Variants in BLM observed in about 807,000 individuals in gnomAD.
BLM encodes the protein recQ-like DNA helicase BLM.
Under a neutral mutation model 135.3 loss-of-function variants are expected in BLM, and 95 were observed. The ratio of observed to expected loss-of-function variants is 0.70; its 90% CI spans 0.59 to 0.83. BLM has a LOEUF of 0.83. BLM is among the 40% of genes least tolerant of loss of function. The pLI is 0.00. For missense variants in BLM, 1,518 were observed against 1,663.9 expected (o/e 0.91, Z 1.53); for synonymous variants, 520 against 589.2 (o/e 0.88, Z 1.70).
At chr15:90,751,077 C>T (rs1306388686) in intron 3 of BLM, among the ~76,000 whole-genome samples, 2 of 152,172 alleles carry the variant, frequency 1.3e-5, no homozygotes, top group Non-Finnish European at 2.9e-5. Flanking sequence ...TTATAAATTA[C>T]ATTCAAAGTT....
chr15:90,800,231 A>G (rs1897132005), intron 17 of BLM, among the ~76,000 whole-genome samples: 1 of 152,238 alleles, frequency 6.6e-6, no homozygotes, highest in South Asian at 2.1e-4. Flanking sequence ...CCAGACTGAC[A>G]TCAGCTTAAT....
intron 12 of BLM, among the ~76,000 whole-genome samples, chr15:90,774,066 CTTTTTTTTTTTTTTT>C (rs61323062): frequency 1.3e-5 from 1 of 76,866 alleles, no homozygotes; most frequent in East Asian, 3.9e-4. Context: ...GTGCCTCCGT[CTTTTTTTTTTTTTTT>C]TTTTTTTTTT....
chr15:90,760,067 A>G (rs1462301941), intron 5 of BLM, 80 bp from the exon 6 acceptor site: 15 of 1,396,428 alleles, frequency 1.1e-5, no homozygotes, highest in Non-Finnish European at 1.4e-5. Context: ...CTGGGATTAC[A>G]GTCATGAGCC....
At chr15:90,758,405 T>G (rs1255891445) in intron 5 of BLM, among the ~76,000 whole-genome samples, 1 of 152,166 alleles carries the variant, frequency 6.6e-6, no homozygotes, top group Non-Finnish European at 1.5e-5. Context: ...GAGAATCACT[T>G]GAACCGGGGA....
intron 1 of BLM, 65 bp from the exon 2 acceptor site, chr15:90,747,324 C>CA: frequency 8.0e-7 from 1 of 1,247,738 alleles, no homozygotes; most frequent in Non-Finnish European, 1.1e-6. Flanking sequence ...TTCCTCCCCT[C>CA]AAAAAACATT....
chr15:90,744,979 AG>A (rs1247496079), intron 1 of BLM, among the ~76,000 whole-genome samples: 3 of 151,940 alleles, frequency 2.0e-5, no homozygotes, highest in Admixed American at 6.6e-5. Context: ...TGAGCTGGGG[AG>A]GCGGAGGCTG....
chr15:90,810,702 A>G (rs1897393586), intron 20 of BLM, among the ~76,000 whole-genome samples: 1 of 152,228 alleles, frequency 6.6e-6, no homozygotes, highest in Admixed American at 6.5e-5. Context: ...TTTGTCTGTA[A>G]AGAGTAAAAT....
intron 3 of BLM, among the ~76,000 whole-genome samples, chr15:90,751,099 G>A (rs765816707): frequency 1.3e-5 from 2 of 152,190 alleles, no homozygotes; most frequent in Non-Finnish European, 2.9e-5. Context: ...TTCCTGGCTA[G>A]ATCTTGTAAT....
chr15:90,749,235 G>A (rs569203319), intron 2 of BLM, 132 bp from the exon 3 acceptor site: 2 of 662,066 alleles, frequency 3.0e-6, no homozygotes, highest in East Asian at 5.6e-5. Context: ...AAAATCGAGA[G>A]AGATGGATTC....
At chr15:90,783,786 G>A (rs1000986194) in intron 13 of BLM, among the ~76,000 whole-genome samples, 1 of 152,172 alleles carries the variant, frequency 6.6e-6, no homozygotes, top group Non-Finnish European at 1.5e-5. Flanking sequence ...AGCTATTCTG[G>A]AGGCTGAGGC....
chr15:90,756,101 A>G (rs1405530465), intron 5 of BLM, among the ~76,000 whole-genome samples: 1 of 150,442 alleles, frequency 6.6e-6, no homozygotes, highest in African/African-American at 2.4e-5. Flanking sequence ...ACTTTAAGGT[A>G]GTTTCCTTTT....
At chr15:90,761,541 CAA>C (rs888162208) in intron 7 of BLM, among the ~76,000 whole-genome samples, 2 of 152,112 alleles carry the variant, frequency 1.3e-5, no homozygotes, top group African/African-American at 4.8e-5. Context: ...GTTCCTAAAA[CAA>C]ACTCATGAGG....
chr15:90,811,737 A>C (rs975145295), intron 21 of BLM, among the ~76,000 whole-genome samples: 3 of 152,122 alleles, frequency 2.0e-5, no homozygotes, highest in Non-Finnish European at 2.9e-5. Context: ...GGCTCACTGC[A>C]ACCTCTGCCT....
rs193268621 is a variant in BLM at position 90,721,942 on chromosome 15, A to T, written c.-5+4502A>T. On this transcript the variant is annotated intron_variant, in intron 1 of 21. Transcript: ENST00000355112. ...AAGACTGCATCTCAAAAAAAAAAAA[A>T]TTTTCTTTATTATGACAACCAAGAT... Among the ~76,000 whole-genome samples, 1,192 of 151,090 alleles carry T rather than the reference A, an allele frequency of 7.9e-3. 11 individuals carry two copies. Among genetic ancestry groups the T allele is most frequent in the African/African-American group, 0.027 (1,097 of 41,192 alleles).
Position 90,769,603 on chromosome 15 carries a change from C to T in BLM, c.2555+17C>T, listed in dbSNP as rs747061490. The T allele has an allele frequency of 3.7e-6, 6 of 1,612,302 alleles. No homozygotes were observed. Among genetic ancestry groups the T allele is most frequent in the Non-Finnish European group, 5.1e-6 (6 of 1,179,060 alleles). On this transcript the variant is annotated intron_variant, in intron 12 of 21. Coordinates refer to ENST00000355112, the MANE Select transcript of BLM (RefSeq NM_000057.4). ...ACCTCAGGTGTAAGTTGTTGCACGT[C>T]ACGTATTTGAGAACCCTGGGGCAGT...
At chr15:90,811,115 TG>T in intron 20 of BLM, 89 bp from the exon 21 acceptor site, 1 of 1,365,548 alleles carries the variant, frequency 7.3e-7, no homozygotes, top group Non-Finnish European at 1.0e-6. Flanking sequence ...TCTGCTAAAA[TG>T]GGCCCCTGCA....
rs1479881659 is a variant in BLM, at chr15:90,734,699, A to AC, written c.-4-12690_-4-12689insC. On this transcript the variant is annotated intron_variant, in intron 1 of 21. Coordinates refer to ENST00000355112, the MANE Select transcript of BLM (RefSeq NM_000057.4). Reference sequence around the variant, plus strand: ...CGCACACACACACACACACACGCAGAGAGAGAGAGAGAGAGAGAGAGAGAG... The same window carrying AC: ...CGCACACACACACACACACACGCAGACGAGAGAGAGAGAGAGAGAGAGAGAG... Among the ~76,000 whole-genome samples the AC allele has an allele frequency of 5.0e-3, 43 of 8,570 alleles. 1 individual carries two copies. The African/African-American group carries it at 0.098, about 19-fold the overall frequency. 5.6% of individuals were successfully genotyped at this position (8,570 alleles called of 152,430 possible). A position where few individuals can be genotyped will look rare whatever the true frequency, so the allele number is the denominator to read the frequency against.
At chr15:90,789,988 T>G (rs12903303) in intron 14 of BLM, among the ~76,000 whole-genome samples, 40 of 15,004 alleles carry the variant, frequency 2.7e-3, no homozygotes, top group South Asian at 0.023. Flanking sequence ...GTCCCTGGTG[T>G]TTTTTTTTTT....
intron 4 of BLM, among the ~76,000 whole-genome samples, chr15:90,752,614 G>C (rs1354591401): frequency 6.6e-6 from 1 of 152,122 alleles, no homozygotes; most frequent in African/African-American, 2.4e-5. Context: ...AATCCTACAG[G>C]ATAGAATTGG....
Sources: gnomAD v4.1 joint callset for allele counts (sites outside exome capture counted in the v4.1 genomes callset) on GRCh38, gnomAD v4.1.1 for gene constraint, MANE v1.5 for transcripts, NCBI Gene and HGNC (gene_info 2026-07-23, HGNC 2026-07-21) for gene names.